The following SUCLG2 variants were observed in gnomAD, a reference collection of about 807,000 sequenced individuals.
SUCLG2 encodes the protein succinate--CoA ligase [GDP-forming] subunit beta, mitochondrial.
Under a neutral mutation model 47.9 loss-of-function variants are expected in SUCLG2, and 42 were observed. The observed-to-expected ratio is 0.88, with a 90% confidence interval of 0.69 to 1.14. SUCLG2 has a LOEUF of 1.14. Ranked by LOEUF, SUCLG2 falls within the 50% of genes most tolerant of loss-of-function variation. SUCLG2 has a pLI of 0.00. For synonymous variants in SUCLG2, 195 were observed against 197.3 expected (o/e 0.99, Z 0.10); for missense variants, 571 against 525.9 (o/e 1.09, Z -0.84).
chr3:67,383,709 C>G (rs566468967), intron 10 of SUCLG2, among the ~76,000 whole-genome samples: 1 of 152,138 alleles, frequency 6.6e-6, no homozygotes, highest in Non-Finnish European at 1.5e-5. Flanking sequence ...AACATATTCA[C>G]TGAGAGCTGA....
At chr3:67,380,907 G>C (rs1702144685) in intron 10 of SUCLG2, among the ~76,000 whole-genome samples, 1 of 152,178 alleles carries the variant, frequency 6.6e-6, no homozygotes, top group Non-Finnish European at 1.5e-5. Context: ...GTTTCTCCTT[G>C]AAGGCATAGC....
In SUCLG2 at chr3:67,575,449, CCATTTATAT is replaced by C. The variant is rs201734456; in HGVS notation, c.226+33997_226+34005del. Among the ~76,000 whole-genome samples, 261 of 152,236 alleles carry C rather than the reference CCATTTATAT, an allele frequency of 1.7e-3. 3 individuals carry two copies. The East Asian group carries it at 0.035, about 21-fold the overall frequency. The stretch of plus-strand genomic sequence containing the variant: ...ACAAAGAGCCACATATCATATGATT[CCATTTATAT>C]GCAATGTCCAGAAAAGGCAAACTTA... On this transcript the variant is annotated intron_variant, in intron 2 of 10. Transcript: ENST00000307227.
intron 9 of SUCLG2, among the ~76,000 whole-genome samples, chr3:67,411,826 C>A (rs1023475908): frequency 9.2e-5 from 14 of 152,218 alleles, no homozygotes; most frequent in African/African-American, 3.1e-4. Context: ...TCATTAGCAT[C>A]TCAAACTTAA....
At chr3:67,380,583 G>A (rs535919438) in intron 10 of SUCLG2, among the ~76,000 whole-genome samples, 1 of 152,194 alleles carries the variant, frequency 6.6e-6, no homozygotes, top group South Asian at 2.1e-4. Context: ...AGTTTTTGAA[G>A]GGATTCTCAT....
intron 7 of SUCLG2, 86 bp from the exon 8 acceptor site, chr3:67,498,381 G>T: frequency 7.1e-7 from 1 of 1,403,386 alleles, no homozygotes; most frequent in East Asian, 2.3e-5. Context: ...ACAAGCGAAG[G>T]GAAAGTTAAG....
At chr3:67,470,411 T>G (rs1007831457) in intron 9 of SUCLG2, among the ~76,000 whole-genome samples, 1 of 152,244 alleles carries the variant, frequency 6.6e-6, no homozygotes, top group African/African-American at 2.4e-5. Flanking sequence ...TCTACAATGA[T>G]GCAATGGTTT....
chr3:67,650,417 G>C (rs1015379343), intron 1 of SUCLG2, among the ~76,000 whole-genome samples: 2 of 152,184 alleles, frequency 1.3e-5, no homozygotes, highest in Non-Finnish European at 2.9e-5. Flanking sequence ...TAAGTCCCTG[G>C]ACAGAAGCTC....
intron 9 of SUCLG2, among the ~76,000 whole-genome samples, chr3:67,474,486 A>G (rs1166951357): frequency 6.6e-6 from 1 of 152,146 alleles, no homozygotes; most frequent in Non-Finnish European, 1.5e-5. Context: ...TTGATTGGTG[A>G]CTATAAATGA....
At chr3:67,380,193 A>G (rs1428729469) in intron 10 of SUCLG2, among the ~76,000 whole-genome samples, 3 of 145,186 alleles carry the variant, frequency 2.1e-5, no homozygotes, top group Non-Finnish European at 4.5e-5. Context: ...GAGTCCTCTC[A>G]CAGTTACCTA....
At chr3:67,518,536 A>C (rs192394358) in intron 5 of SUCLG2, among the ~76,000 whole-genome samples, 200 bp from the exon 6 acceptor site, 24 of 152,318 alleles carry the variant, frequency 1.6e-4, no homozygotes, top group Non-Finnish European at 2.4e-4. Context: ...GCCCTTCCAA[A>C]AACTATATAA....
chr3:67,411,338 T>G (rs1702928083), intron 9 of SUCLG2, among the ~76,000 whole-genome samples: 1 of 152,084 alleles, frequency 6.6e-6, no homozygotes, highest in Non-Finnish European at 1.5e-5. Flanking sequence ...ACCCACTGTT[T>G]CTGTAAATAA....
chr3:67,485,862 C>T (rs1385655001), intron 9 of SUCLG2, among the ~76,000 whole-genome samples: 2 of 152,236 alleles, frequency 1.3e-5, no homozygotes, highest in African/African-American at 4.8e-5. Flanking sequence ...AAAGCCATTA[C>T]TGGCATATTC....
At chr3:67,363,446 G>T (rs1701835607) in intron 10 of SUCLG2, among the ~76,000 whole-genome samples, 1 of 152,146 alleles carries the variant, frequency 6.6e-6, no homozygotes, top group Non-Finnish European at 1.5e-5. Flanking sequence ...GTGGGTTTCT[G>T]CTTTCAGAAG....
chr3:67,586,720 G>T (rs1308497152), intron 2 of SUCLG2, among the ~76,000 whole-genome samples: 1 of 152,204 alleles, frequency 6.6e-6, no homozygotes, highest in African/African-American at 2.4e-5. Context: ...CAGTATGGTG[G>T]TTAGGAACAC....
intron 9 of SUCLG2, among the ~76,000 whole-genome samples, chr3:67,471,773 C>G (rs983613600): frequency 1.3e-5 from 2 of 152,138 alleles, no homozygotes; most frequent in African/African-American, 4.8e-5. Flanking sequence ...GGCTCTGGAT[C>G]TCTTAACCAA....
intron 9 of SUCLG2, among the ~76,000 whole-genome samples, chr3:67,464,566 C>T (rs1278242904): frequency 6.6e-6 from 1 of 152,234 alleles, no homozygotes; most frequent in African/African-American, 2.4e-5. Context: ...GATGTCTACA[C>T]TCCTTCAACT....
At chr3:67,479,541 C>T (rs1704856117) in intron 9 of SUCLG2, among the ~76,000 whole-genome samples, 1 of 152,148 alleles carries the variant, frequency 6.6e-6, no homozygotes, top group African/African-American at 2.4e-5. Context: ...ACAAGGAACA[C>T]AGATAACAAA....
At chr3:67,400,910 T>C (rs1011734748) in intron 9 of SUCLG2, 59 bp from the exon 10 acceptor site, 10 of 1,605,812 alleles carry the variant, frequency 6.2e-6, no homozygotes, top group East Asian at 2.2e-5. Flanking sequence ...GTCTCAAAAA[T>C]AACTGGTTAA....
At chr3:67,396,032 G>T (rs1702518944) in intron 10 of SUCLG2, among the ~76,000 whole-genome samples, 1 of 151,782 alleles carries the variant, frequency 6.6e-6, no homozygotes, top group Non-Finnish European at 1.5e-5. Context: ...GTGTGTAGAG[G>T]GAAATTTATA....
Sources: allele counts gnomAD v4.1 joint callset (sites outside exome capture counted in the v4.1 genomes callset), GRCh38; gene constraint gnomAD v4.1.1; transcripts MANE v1.5; gene names NCBI Gene and HGNC (gene_info 2026-07-23, HGNC 2026-07-21).